The following ACOT6 variants were observed in gnomAD, a reference collection of about 807,000 sequenced individuals.
ACOT6 encodes the protein acyl-CoA thioesterase 6, also known as acyl-coenzyme A thioesterase 6.
ACOT6 carries 14 observed loss-of-function variants against 12.3 expected under a neutral mutation model. That is an observed-to-expected ratio of 1.14 (90% CI 0.75 to 1.78). ACOT6 has a LOEUF of 1.78. Among genes scored for constraint, ACOT6 ranks in the 40% most tolerant of loss-of-function variants. ACOT6 has a pLI of 0.00. For synonymous variants in ACOT6, 218 were observed against 231.3 expected (o/e 0.94, Z 0.52); for missense variants, 523 against 551.8 (o/e 0.95, Z 0.52).
intron 1 of ACOT6, among the ~76,000 whole-genome samples, chr14:73,614,048 AAAATT>A (rs1290695954): frequency 7.0e-6 from 1 of 143,848 alleles, no homozygotes; most frequent in African/African-American, 2.6e-5. Flanking sequence ...AAAAAAAAAA[AAAATT>A]AGGCAGGCAT....
At chr14:73,616,774 C>T (rs922754175) in intron 1 of ACOT6, 4 of 438,082 alleles carry the variant, frequency 9.1e-6, no homozygotes, top group African/African-American at 4.0e-5. Context: ...CAGTGATGAA[C>T]GCTGAGATTT....
In ACOT6 at chr14:73,614,871, T is replaced by C. The variant is rs1282270872; in HGVS notation, c.461+1839T>C. Among the ~76,000 whole-genome samples, 11 of 150,014 alleles carry C rather than the reference T, an allele frequency of 7.3e-5. No individual in the cohort carries two copies. The South Asian group carries it at 2.3e-3, about 32-fold the overall frequency. On this transcript the variant is annotated intron_variant, in intron 1 of 2. Transcript: ENST00000645972. ...CAGCACTTTGGGAGGCCGAGGCAGG[T>C]GGATCACCTGAGGTCAGGAGTTCGA...
At chr14:73,611,980 T>C (rs1294738174), upstream of ACOT6, among the ~76,000 whole-genome samples, 2 of 152,150 alleles carry the variant, frequency 1.3e-5, no homozygotes, top group Non-Finnish European at 2.9e-5. Flanking sequence ...CCTTTAGCTC[T>C]CAGTGGTTTT....
intron 1 of ACOT6, among the ~76,000 whole-genome samples, chr14:73,615,269 C>T (rs1206500575): frequency 6.7e-6 from 1 of 149,852 alleles, no homozygotes; most frequent in African/African-American, 2.5e-5. Context: ...CGCCTGTAAT[C>T]CCAGCTACTC....
chr14:73,612,400 T>A, upstream of ACOT6: 1 of 439,228 alleles, frequency 2.3e-6, no homozygotes, highest in Non-Finnish European at 3.9e-6. Context: ...ACTGGTGTAT[T>A]TGCACAAATT....
chr14:73,612,512 C>A, upstream of ACOT6: 2 of 1,129,840 alleles, frequency 1.8e-6, no homozygotes, highest in Non-Finnish European at 2.3e-6. Context: ...CTCGGCAAAG[C>A]CGCCAGGCCC....
At chr14:73,615,827 G>T (rs1890528747) in intron 1 of ACOT6, among the ~76,000 whole-genome samples, 1 of 152,122 alleles carries the variant, frequency 6.6e-6, no homozygotes, top group South Asian at 2.1e-4. Flanking sequence ...CGAGGTGGGA[G>T]CATTGCAGTG....
chr14:73,619,405 G>T lies in ACOT6; in HGVS notation c.832G>T (p.Asp278Tyr). The change falls in exon 3 of 3, where the codon GAT becomes TAT. Residue 278 changes from aspartate (D) to tyrosine (Y), a missense_variant. This residue lies in a region of ACOT6 where 219 missense variants were observed against 277.0 expected (regional missense o/e 0.79). Coordinates refer to ENST00000645972, the MANE Select transcript of ACOT6 (RefSeq NM_001365788.1). ...TATGATTATTCCTAAACTTGTCGAT[G>T]ATCTAGGAAAAGTAAAAATCACTAA... is the stretch of plus-strand genomic sequence containing the variant. Reference protein sequence around the residue: ...KDMIIPKLVDDLGKVKITKSG... With the variant: ...KDMIIPKLVDYLGKVKITKSG... 1 of 1,614,130 alleles carries T rather than the reference G, an allele frequency of 6.2e-7. No individual in the cohort carries two copies. Among genetic ancestry groups the T allele is most frequent in the Non-Finnish European group, 8.5e-7 (1 of 1,180,018 alleles).
chr14:73,616,965 C>A, intron 1 of ACOT6, 29 bp from the exon 2 acceptor site: 1 of 629,430 alleles, frequency 1.6e-6, no homozygotes, highest in South Asian at 2.0e-5. Context: ...AACTAAAGCT[C>A]CCTGTGATTT....
chr14:73,619,716 A>G lies in ACOT6; in HGVS notation c.1143A>G (p.Ala381=). 1 of 1,614,162 alleles carries G rather than the reference A, an allele frequency of 6.2e-7. No individual in the cohort carries two copies. The highest frequency in any genetic ancestry group is 8.5e-7 in the Non-Finnish European group (1 of 1,180,028). The part of the protein sequence containing the change: ...RASVHAVLGE[A]IFYGGEPKAH... Reference sequence around the variant, plus strand: ...CTGTGCACGCTGTTTTGGGTGAGGCAATATTCTATGGAGGTGAGCCAAAGG... The same window carrying G: ...CTGTGCACGCTGTTTTGGGTGAGGCGATATTCTATGGAGGTGAGCCAAAGG... The change falls in exon 3 of 3, where the codon GCA becomes GCG. Residue 381 remains alanine (A), a synonymous_variant. Coordinates refer to ENST00000645972, the MANE Select transcript of ACOT6 (RefSeq NM_001365788.1).
intron 1 of ACOT6, 34 bp from the exon 2 acceptor site, chr14:73,616,960 A>C: frequency 1.6e-6 from 1 of 623,380 alleles, no homozygotes; most frequent in Non-Finnish European, 2.9e-6. Context: ...TGAGAAACTA[A>C]AGCTCCCTGT....
In ACOT6 at chr14:73,612,608, T is replaced by G; in HGVS notation, c.37T>G (p.Cys13Gly). ...GCTGATCCTGGAGCCCGCGGGCCGC[T>G]GCTGCTGGGACGAGCCGCTGCGCAT... The part of the protein sequence containing the change: ...ATLILEPAGR[C>G]CWDEPLRIAV... Residue 13 changes from cysteine (C) to glycine (G), a missense_variant, in exon 1 of 3, where the codon TGC (cysteine) becomes GGC (glycine). Physicochemically the swap from Cys to Gly is radical, Grantham distance 159 (BLOSUM62 -3). Transcript: ENST00000645972. 7.0e-7 allele frequency: 1 copy of G among 1,419,136 alleles called. No homozygotes were observed. Among genetic ancestry groups the G allele is most frequent in the South Asian group, 1.4e-5 (1 of 71,342 alleles). The allele number at this position is 1,419,136 out of a possible 1,614,324, so 87.9% of individuals were successfully genotyped here.
At position 73,612,711 on chromosome 14, in the gene ACOT6, G is replaced by C. The variant is rs1437756074; in HGVS notation, c.140G>C (p.Arg47Pro). Residue 47 changes from arginine (R) to proline (P), a missense_variant, in exon 1 of 3, where the codon CGG becomes CCG. By Grantham distance (103) the Arg-to-Pro change is moderately radical. Around this residue, in one of 2 missense-constraint regions of ACOT6, gnomAD observed 304 missense variants for 274.8 expected, o/e 1.11. Transcript: ENST00000645972. ...SLRDEEGALF[R>P]AHARYRADAR... is the part of the protein sequence containing the mutation. ...CGCGACGAAGAGGGCGCGCTCTTCC[G>C]GGCCCACGCGCGCTACCGTGCCGAC... 2 of 1,383,878 alleles carry C rather than the reference G, an allele frequency of 1.4e-6. No homozygotes were observed. The highest frequency in any genetic ancestry group is 1.9e-6 in the Non-Finnish European group (2 of 1,074,500). The allele number at this position is 1,383,878 out of a possible 1,614,324, so 85.7% of individuals were successfully genotyped here. A position where few individuals can be genotyped will look rare whatever the true frequency, so the allele number is the denominator to read the frequency against.
chr14:73,616,698 AAT>A, intron 1 of ACOT6: 9 of 207,966 alleles, frequency 4.3e-5, no homozygotes, highest in Non-Finnish European at 6.6e-5. Flanking sequence ...GTCAAAAAAA[AAT>A]TTTTTTTTTA....
chr14:73,614,989 T>C (rs1314293845), intron 1 of ACOT6, among the ~76,000 whole-genome samples: 3 of 149,086 alleles, frequency 2.0e-5, no homozygotes, highest in Non-Finnish European at 4.4e-5. Flanking sequence ...CTCAGGAGGC[T>C]GAGGCAGGAG....
At chr14:73,615,489 G>C (rs577964029) in intron 1 of ACOT6, among the ~76,000 whole-genome samples, 1 of 150,764 alleles carries the variant, frequency 6.6e-6, no homozygotes, top group Non-Finnish European at 1.5e-5. Context: ...CCAACACTTC[G>C]GGAGGCCAAG....
At chr14:73,615,388 T>TAAAAAAAAAAAAAA (rs1160138803) in intron 1 of ACOT6, among the ~76,000 whole-genome samples, 2 of 63,306 alleles carry the variant, frequency 3.2e-5, no homozygotes, top group African/African-American at 1.0e-4. Context: ...CTCTGTCTGA[T>TAAAAAAAAAAAAAA]AAAAAAAAAA....
At chr14:73,619,178 C>G in intron 2 of ACOT6, 56 bp from the exon 3 acceptor site, 2 of 1,509,690 alleles carry the variant, frequency 1.3e-6, no homozygotes, top group African/African-American at 2.8e-5. Flanking sequence ...AAATCACTGT[C>G]TGTGTCCTCC....
intron 1 of ACOT6, among the ~76,000 whole-genome samples, chr14:73,615,388 T>TAAAAAAAAAAAAAAA (rs1160138803): frequency 7.9e-5 from 5 of 63,314 alleles, no homozygotes; most frequent in African/African-American, 5.0e-4. Context: ...CTCTGTCTGA[T>TAAAAAAAAAAAAAAA]AAAAAAAAAA....
Sources: allele counts gnomAD v4.1 joint callset (sites outside exome capture counted in the v4.1 genomes callset), GRCh38; gene constraint gnomAD v4.1.1; regional missense constraint gnomAD v4.1.1; transcripts MANE v1.5; gene names NCBI Gene and HGNC (gene_info 2026-07-23, HGNC 2026-07-21).